The following ABCD2 variants were observed in gnomAD, a reference collection of about 807,000 sequenced individuals.
ABCD2 encodes ATP binding cassette subfamily D member 2.
A neutral mutation model predicts 70.9 loss-of-function variants in ABCD2; 36 were observed. That is an observed-to-expected ratio of 0.51 (90% CI 0.39 to 0.67). ABCD2 has a LOEUF of 0.67. Among genes scored for constraint, ABCD2 ranks in the 30% least tolerant of loss-of-function variants. The pLI is 0.00. For synonymous variants in ABCD2, 304 were observed against 306.9 expected, an observed-to-expected ratio of 0.99 and a Z score of 0.10; for missense variants, 729 against 890.2, an observed-to-expected ratio of 0.82 and a Z score of 2.30.
chr12:39,578,419 A>C lies in ABCD2; in HGVS notation c.1877+1116T>G, dbSNP rs1264103290. ...AACCCGGGAGGCGGAGCTTGCAGTG[A>C]GCCGAGATGGTGCCACTGCACTCCA... On this transcript the variant is annotated intron_variant, in intron 8 of 9. Transcript: ENST00000308666. 2.7e-5 allele frequency among the ~76,000 whole-genome samples: 4 copies of C among 148,286 alleles called. No individual in the cohort carries two copies. In the East Asian group the frequency reaches 8.1e-4, roughly 30 times the overall value.
chr12:39,534,798 GAAAGAA>G, the ABCD2 span, among the ~76,000 whole-genome samples: 2 of 116,446 alleles, frequency 1.7e-5, no homozygotes, highest in Non-Finnish European at 3.7e-5. Context: ...AAGAAAGAAA[GAAAGAA>G]AGAAAAGAAA....
chr12:39,562,241 A>T (rs1336471550), intron 9 of ABCD2, among the ~76,000 whole-genome samples: 2 of 152,148 alleles, frequency 1.3e-5, no homozygotes, highest in African/African-American at 2.4e-5. Context: ...AAAATAGATT[A>T]AAAATGTCAA....
In ABCD2 at chr12:39,586,292, T is replaced by C. The variant is rs1242705337; in HGVS notation, c.1652A>G (p.Tyr551Cys). ...ATCCCGAAGACTTCCAAGAGACATA[T>C]ATGGCCTTTAAAACACCAAGCACAC... ...QHMFYIPQRP[Y>C]MSLGSLRDQV... Residue 551 changes from tyrosine (Y) to cysteine (C), a missense_variant, in exon 7 of 10, where the codon TAT becomes TGT. Coordinates refer to ENST00000308666, the MANE Select transcript of ABCD2 (RefSeq NM_005164.4). The C allele has an allele frequency of 6.2e-7, 1 of 1,609,756 alleles. No individual in the cohort carries two copies. Among genetic ancestry groups the C allele is most frequent in the Non-Finnish European group, 8.5e-7 (1 of 1,178,382 alleles).
intron 2 of ABCD2, among the ~76,000 whole-genome samples, chr12:39,610,513 C>A (rs1466144168): frequency 6.6e-6 from 1 of 152,088 alleles, no homozygotes; most frequent in East Asian, 1.9e-4. Flanking sequence ...ATAGTAAATT[C>A]TTATATCAGT....
Position 39,619,169 on chromosome 12 carries a change from C to A in ABCD2, c.447G>T (p.Lys149Asn), listed in dbSNP as rs749370948. 3 of 1,614,210 alleles carry A rather than the reference C, an allele frequency of 1.9e-6. No individual in the cohort carries two copies. The East Asian group carries it at 6.7e-5, about 36-fold the overall frequency. The change falls in exon 1 of 10, where the codon AAG (lysine) becomes AAT (asparagine). Residue 149 changes from lysine (K) to asparagine (N), a missense_variant. By Grantham distance (94) the Lys-to-Asn change is moderately conservative. Coordinates refer to ENST00000308666, the MANE Select transcript of ABCD2 (RefSeq NM_005164.4). ...TAGCAGGGATGGCAATCATAAGCCA[C>A]TTGATTAATTTGATGATGAAAGTCC... Reference protein sequence around the residue: ...KPRTFIIKLIKWLMIAIPATF... With the variant: ...KPRTFIIKLINWLMIAIPATF...
At chr12:39,547,371 G>A (rs1324555931), downstream of ABCD2, among the ~76,000 whole-genome samples, 1 of 152,026 alleles carries the variant, frequency 6.6e-6, no homozygotes, top group South Asian at 2.1e-4. Context: ...AGAGATAATC[G>A]TACAACCATA....
rs1941984503 is a variant in ABCD2, at chr12:39,607,498, A to C, written c.1236+101T>G. ...ATACGCAGCAATTTTTGGCAGAGAA[A>C]AGATATGTTTCCAAAATACTAAGTA... On this transcript the variant is annotated intron_variant, in intron 3 of 9. Coordinates refer to ENST00000308666, the MANE Select transcript of ABCD2 (RefSeq NM_005164.4). 3.1e-6 allele frequency: 3 copies of C among 972,166 alleles called. No homozygotes were observed. The Admixed American group carries it at 7.2e-5, about 23-fold the overall frequency. 60.2% of individuals were successfully genotyped at this position (972,166 alleles called of 1,614,324 possible).
intron 9 of ABCD2, among the ~76,000 whole-genome samples, chr12:39,554,506 G>A (rs1419785760): frequency 6.6e-6 from 1 of 151,912 alleles, no homozygotes; most frequent in Non-Finnish European, 1.5e-5. Context: ...AAAGGTCATA[G>A]AAAAACTAAG....
chr12:39,534,702 G>GGAAT, the ABCD2 span, among the ~76,000 whole-genome samples: 2 of 644 alleles, frequency 3.1e-3, 1 homozygote, highest in South Asian at 0.25. Context: ...AAGGAAGGAC[G>GGAAT]GAAGGAAGGA....
At chr12:39,588,936 C>G (rs954295846) in intron 6 of ABCD2, among the ~76,000 whole-genome samples, 4 of 152,160 alleles carry the variant, frequency 2.6e-5, no homozygotes, top group Non-Finnish European at 5.9e-5. Context: ...AGTGTTATGA[C>G]AATTGCTGAA....
At chr12:39,535,895 C>G in the ABCD2 span, among the ~76,000 whole-genome samples, 1 of 152,106 alleles carries the variant, frequency 6.6e-6, no homozygotes, top group Non-Finnish European at 1.5e-5. Flanking sequence ...GTAATCCCAG[C>G]ACTTTGGGAG....
chr12:39,534,714 GGAAGGAAGGAAGGAAAA>G, the ABCD2 span, among the ~76,000 whole-genome samples: 3 of 136,490 alleles, frequency 2.2e-5, no homozygotes, highest in Non-Finnish European at 4.6e-5. Context: ...AAGGAAGGAA[GGAAGGAAGGAAGGAAAA>G]GAAGGAAGGA....
intron 6 of ABCD2, among the ~76,000 whole-genome samples, chr12:39,596,274 T>A (rs565996851): frequency 5.4e-4 from 82 of 152,346 alleles, no homozygotes; most frequent in African/African-American, 1.9e-3. Flanking sequence ...TTTTTCCTCA[T>A]TTTGAACATC....
intron 8 of ABCD2, among the ~76,000 whole-genome samples, chr12:39,577,945 G>T (rs1036517940): frequency 6.6e-6 from 1 of 152,002 alleles, no homozygotes; most frequent in Non-Finnish European, 1.5e-5. Context: ...GTAATTAAAG[G>T]CTTTTAAAAA....
At chr12:39,559,705 G>T (rs1465696090) in intron 9 of ABCD2, among the ~76,000 whole-genome samples, 1 of 152,104 alleles carries the variant, frequency 6.6e-6, no homozygotes, top group African/African-American at 2.4e-5. Context: ...TCACAGGCCA[G>T]GAGAGAATGG....
chr12:39,606,817 C>T (rs1438108233), intron 3 of ABCD2, among the ~76,000 whole-genome samples: 1 of 152,108 alleles, frequency 6.6e-6, no homozygotes, highest in East Asian at 1.9e-4. Context: ...TAATTTTAAC[C>T]TTGGCCCTGT....
intron 2 of ABCD2, among the ~76,000 whole-genome samples, chr12:39,615,246 C>A (rs542949864): frequency 1.3e-4 from 19 of 151,878 alleles, no homozygotes; most frequent in African/African-American, 4.1e-4. Context: ...ACTAACAAAA[C>A]TACATCATAA....
At chr12:39,548,194 T>C (rs988889241), downstream of ABCD2, among the ~76,000 whole-genome samples, 1 of 152,140 alleles carries the variant, frequency 6.6e-6, no homozygotes, top group African/African-American at 2.4e-5. Context: ...CAGTGCACTA[T>C]GATGCTAGAT....
In ABCD2 at chr12:39,603,990, C is replaced by G; in HGVS notation, c.1422G>C (p.Val474=). 8 of 1,611,162 alleles carry G rather than the reference C, an allele frequency of 5.0e-6. No homozygotes were observed. Among genetic ancestry groups the G allele is most frequent in the Non-Finnish European group, 6.8e-6 (8 of 1,178,094 alleles). ...CATTTTCACAAATAATTCCGTGATC[C>G]ACATCAATAACTTTTCCTGTAATTA... The part of the protein sequence containing the change: ...TLAIKGKVID[V]DHGIICENVP... The change falls in exon 5 of 10, where the codon GTG becomes GTC. Residue 474 remains valine (V), a synonymous_variant. Transcript: ENST00000308666.
Sources: gnomAD v4.1 joint callset for allele counts (sites outside exome capture counted in the v4.1 genomes callset) on GRCh38, gnomAD v4.1.1 for gene constraint, MANE v1.5 for transcripts, NCBI Gene and HGNC (gene_info 2026-07-23, HGNC 2026-07-21) for gene names.